Variants in ACAD10 observed in about 807,000 individuals in gnomAD.
The protein encoded by ACAD10 is ACAD-10.
A neutral mutation model predicts 116.8 loss-of-function variants in ACAD10; 112 were observed. The ratio of observed to expected loss-of-function variants is 0.96; its 90% CI spans 0.82 to 1.12. The LOEUF is 1.12. Among genes scored for constraint, ACAD10 ranks in the 50% most tolerant of loss-of-function variants. The pLI is 0.00. For synonymous variants in ACAD10, 486 were observed against 510.6 expected, an observed-to-expected ratio of 0.95 and a Z score of 0.65; for missense variants, 1,259 against 1,350.2, an observed-to-expected ratio of 0.93 and a Z score of 1.06.
chr12:111,713,712 G>A (rs574843879), intron 6 of ACAD10, among the ~76,000 whole-genome samples: 6 of 152,176 alleles, frequency 3.9e-5, no homozygotes, highest in South Asian at 2.1e-4. Context: ...TGAGGCAGGC[G>A]GATCACCTGA....
At chr12:111,718,442 G>GGTA (rs1462256033) in intron 7 of ACAD10, among the ~76,000 whole-genome samples, 1 of 151,894 alleles carries the variant, frequency 6.6e-6, no homozygotes, top group African/African-American at 2.4e-5. Flanking sequence ...CAATTACATT[G>GGTA]ATCTGGGAAC....
chr12:111,746,162 G>A lies in ACAD10; in HGVS notation c.2134G>A (p.Gly712Arg), dbSNP rs1002300327. The stretch of plus-strand genomic sequence containing the variant: ...ATGATAGGAGAAAGCCAAAGCTGAA[G>A]GACTTTGGAACCTTTTCCTACCCTT... Reference protein sequence around the residue: ...EDLKEKAKAEGLWNLFLPLEA... With the variant: ...EDLKEKAKAERLWNLFLPLEA... The change falls in exon 14 of 21, where the codon GGA becomes AGA. Residue 712 changes from glycine to arginine, a missense_variant. By Grantham distance (125) the Gly-to-Arg change is moderately radical. Transcript: ENST00000313698. 6 of 1,613,178 alleles carry A rather than the reference G, an allele frequency of 3.7e-6. No homozygotes were observed. In the African/African-American group the frequency reaches 8.0e-5, roughly 22 times the overall value.
In ACAD10 at chr12:111,707,286, G is replaced by A. The variant is rs577434576; in HGVS notation, c.531+1354G>A. 3.4e-3 allele frequency among the ~76,000 whole-genome samples: 518 copies of A among 150,366 alleles called. 2 individuals are homozygous for A. Among genetic ancestry groups the A allele is most frequent in the Non-Finnish European group, 5.6e-3 (377 of 67,722 alleles). On this transcript the variant is annotated intron_variant, in intron 4 of 20. Transcript: ENST00000313698. ...GTGTTTTTTATGAATATTAGAGACT[G>A]GGTTTCACCCTGTTGGCCAGGGTGG...
At chr12:111,692,620 C>A in intron 1 of ACAD10, 77 bp from the exon 2 acceptor site, 2 of 1,446,566 alleles carry the variant, frequency 1.4e-6, no homozygotes, top group Non-Finnish European at 1.9e-6. Flanking sequence ...TCTGGCTGGC[C>A]CCTCTGAGCT....
chr12:111,700,451 A>T (rs1888315711), intron 2 of ACAD10, among the ~76,000 whole-genome samples: 1 of 152,146 alleles, frequency 6.6e-6, no homozygotes, highest in African/African-American at 2.4e-5. Context: ...TACTACGTCA[A>T]ATGTATGTGC....
At chr12:111,746,055 T>A in intron 13 of ACAD10, 89 bp from the exon 14 acceptor site, 1 of 1,521,576 alleles carries the variant, frequency 6.6e-7, no homozygotes, top group Non-Finnish European at 8.8e-7. Context: ...GTCTGCCTTG[T>A]TTCCTCCAAT....
chr12:111,710,246 C>G (rs531360509), intron 5 of ACAD10: 1 of 452,132 alleles, frequency 2.2e-6, no homozygotes, highest in South Asian at 1.6e-5. Flanking sequence ...CACCACCACA[C>G]CCGACTAATT....
intron 12 of ACAD10, among the ~76,000 whole-genome samples, chr12:111,742,965 C>T (rs1889786297): frequency 6.6e-6 from 1 of 152,054 alleles, no homozygotes; most frequent in South Asian, 2.1e-4. Context: ...CCTCAGCCTC[C>T]CAAAGTGCTG....
intron 7 of ACAD10, among the ~76,000 whole-genome samples, chr12:111,716,216 C>A (rs1037032808): frequency 1.7e-4 from 26 of 151,474 alleles, no homozygotes; most frequent in Admixed American, 4.0e-4. Context: ...CATCCCCCCC[C>A]AAAAAAAAGC....
chr12:111,717,570 A>ATT (rs761647702), intron 7 of ACAD10, among the ~76,000 whole-genome samples: 6 of 141,354 alleles, frequency 4.2e-5, no homozygotes, highest in African/African-American at 7.8e-5. Context: ...GTATTAGCTG[A>ATT]TTTTTTTTTT....
At chr12:111,753,019 C>T (rs901139244) in intron 18 of ACAD10, 4 of 161,406 alleles carry the variant, frequency 2.5e-5, no homozygotes, top group African/African-American at 9.6e-5. Context: ...TGGTTCTTGC[C>T]TGTGGTCCCA....
rs1459112192 is a variant in ACAD10 at position 111,735,583 on chromosome 12, G to A, written c.1541-1248G>A. ...CCATTCTCCTGCCTCAGCCTCCTAA[G>A]TAGCTGGGACTACAGGCACCCACCA... On this transcript the variant is annotated intron_variant, in intron 11 of 20. Coordinates refer to ENST00000313698, the MANE Select transcript of ACAD10 (RefSeq NM_025247.6). Among the ~76,000 whole-genome samples the A allele has an allele frequency of 2.0e-5, 3 of 151,638 alleles. No homozygotes were observed. In the East Asian group the frequency reaches 5.9e-4, roughly 30 times the overall value.
At chr12:111,755,879 T>G in intron 20 of ACAD10, 134 bp downstream of exon 20, 1 of 924,422 alleles carries the variant, frequency 1.1e-6, no homozygotes, top group Non-Finnish European at 1.7e-6. Flanking sequence ...CATGCAACTT[T>G]CCTTTTCCTC....
In ACAD10 at chr12:111,754,862, G is replaced by T. The variant is rs990079654; in HGVS notation, c.2962-806G>T. Among the ~76,000 whole-genome samples, 3 of 152,194 alleles carry T rather than the reference G, an allele frequency of 2.0e-5. No homozygotes were observed. In the South Asian group the frequency reaches 6.2e-4, roughly 32 times the overall value. On this transcript the variant is annotated intron_variant, in intron 19 of 20. Transcript: ENST00000313698. ...TGCTGGCTGTGTTCCCCGTCATCTG[G>T]GAAGACAGCCACATTCTGCCAGCAC...
At chr12:111,713,644 A>G (rs1888756560) in intron 6 of ACAD10, among the ~76,000 whole-genome samples, 1 of 149,510 alleles carries the variant, frequency 6.7e-6, no homozygotes, top group Non-Finnish European at 1.5e-5. Flanking sequence ...AAGGAAAAGA[A>G]AAAAAAAAAG....
chr12:111,695,070 TTTC>T (rs1888158880), intron 2 of ACAD10, among the ~76,000 whole-genome samples: 1 of 152,152 alleles, frequency 6.6e-6, no homozygotes, highest in South Asian at 2.1e-4. Context: ...ATCTTGTTCC[TTTC>T]ATCCCTGGCT....
chr12:111,729,724 G>A, intron 9 of ACAD10, 82 bp from the exon 10 acceptor site: 1 of 1,524,522 alleles, frequency 6.6e-7, no homozygotes, highest in South Asian at 1.2e-5. Flanking sequence ...ATGACAAAGG[G>A]TTTCACTGCA....
intron 12 of ACAD10, among the ~76,000 whole-genome samples, chr12:111,739,396 T>C (rs1240577765): frequency 6.6e-6 from 1 of 152,172 alleles, no homozygotes; most frequent in Non-Finnish European, 1.5e-5. Flanking sequence ...ACTCAGTTTC[T>C]TCAAACACTT....
chr12:111,732,747 C>A (rs1889425197), intron 10 of ACAD10, among the ~76,000 whole-genome samples: 1 of 152,188 alleles, frequency 6.6e-6, no homozygotes, highest in South Asian at 2.1e-4. Context: ...TTTAGAGGAA[C>A]CGCTGAAGAA....
Sources: allele counts gnomAD v4.1 joint callset (sites outside exome capture counted in the v4.1 genomes callset), GRCh38; gene constraint gnomAD v4.1.1; transcripts MANE v1.5; gene names NCBI Gene and HGNC (gene_info 2026-07-23, HGNC 2026-07-21).